The following MAP3K5 variants were observed in gnomAD, a reference collection of about 807,000 sequenced individuals.
MAP3K5 encodes the protein ASK-1.
In MAP3K5, 56 loss-of-function variants were observed where a neutral mutation model predicts 158.7. That is an observed-to-expected ratio of 0.35 (90% confidence interval 0.28 to 0.44). The LOEUF (loss-of-function observed/expected upper bound fraction) is 0.44, where lower values mean the gene tolerates loss of function less well. Ranked by LOEUF, MAP3K5 falls within the 20% of genes least tolerant of loss-of-function variation. MAP3K5 has a pLI of 1.00. For synonymous variants in MAP3K5, 579 were observed against 601.7 expected (o/e 0.96, Z 0.55); for missense variants, 1,294 against 1,674.8 (o/e 0.77, Z 3.97).
chr6:136,637,241 A>C, intron 14 of MAP3K5, 84 bp downstream of exon 14: 1 of 1,292,414 alleles, frequency 7.7e-7, no homozygotes, highest in Non-Finnish European at 1.1e-6. Flanking sequence ...TACCCCTCAT[A>C]CACCCTGCCT....
Position 136,583,747 on chromosome 6 carries a change from A to G in MAP3K5, c.3226-7T>C. 1 of 1,613,112 alleles carries G rather than the reference A, an allele frequency of 6.2e-7. No individual in the cohort carries two copies. On this transcript the variant is annotated splice_region_variant and splice_polypyrimidine_tract_variant and intron_variant, in intron 23 of 29. Transcript: ENST00000359015. ...GTTTCGGTTCTTCAGCCCCCTGTGA[A>G]TAAAAATCAACAATCCTTACATCAA...
intron 25 of MAP3K5, among the ~76,000 whole-genome samples, chr6:136,580,027 CG>C (rs936818165): frequency 2.9e-4 from 44 of 152,250 alleles, no homozygotes; most frequent in African/African-American, 1.0e-3. Context: ...TTTTGAAATG[CG>C]TATTTATCTG....
chr6:136,769,811 G>GGGAGGGAGGGAGGGA (rs1562691284), intron 1 of MAP3K5, among the ~76,000 whole-genome samples: 2 of 35,742 alleles, frequency 5.6e-5, no homozygotes, highest in Non-Finnish European at 1.2e-4. Flanking sequence ...GAGGGAGGGA[G>GGGAGGGAGGGAGGGA]GGGACGGGAG....
intron 7 of MAP3K5, among the ~76,000 whole-genome samples, chr6:136,679,988 TCAGA>T (rs1434554093): frequency 1.3e-5 from 2 of 151,914 alleles, no homozygotes; most frequent in Non-Finnish European, 2.9e-5. Context: ...GGAAGAAAAT[TCAGA>T]CATATGCTAC....
At chr6:136,615,483 T>A (rs950685815) in intron 15 of MAP3K5, among the ~76,000 whole-genome samples, 5 of 152,230 alleles carry the variant, frequency 3.3e-5, no homozygotes, top group Non-Finnish European at 5.9e-5. Flanking sequence ...TTGGAGAATT[T>A]GGCTATCATC....
At chr6:136,654,954 T>C in intron 10 of MAP3K5, among the ~76,000 whole-genome samples, 1 of 152,202 alleles carries the variant, frequency 6.6e-6, no homozygotes, top group Admixed American at 6.5e-5. Context: ...TTATAAGTCC[T>C]TTTCTTGCTT....
chr6:136,778,386 T>A (rs1224157387), intron 1 of MAP3K5, among the ~76,000 whole-genome samples: 1 of 152,212 alleles, frequency 6.6e-6, no homozygotes, highest in African/African-American at 2.4e-5. Context: ...TGATCTACAT[T>A]ATGAAGTCCT....
intron 10 of MAP3K5, among the ~76,000 whole-genome samples, chr6:136,655,067 A>G (rs2114430151): frequency 6.6e-6 from 1 of 152,294 alleles, no homozygotes; most frequent in South Asian, 2.1e-4. Context: ...ATGACAGACA[A>G]ATTCTGTCAA....
intron 1 of MAP3K5, among the ~76,000 whole-genome samples, chr6:136,765,517 T>G (rs2114985261): frequency 6.6e-6 from 1 of 151,790 alleles, no homozygotes; most frequent in South Asian, 2.1e-4. Flanking sequence ...CTTTTTTTAT[T>G]TTTTTATTTT....
chr6:136,743,674 T>C (rs966262856), intron 1 of MAP3K5, among the ~76,000 whole-genome samples: 1 of 152,198 alleles, frequency 6.6e-6, no homozygotes, highest in African/African-American at 2.4e-5. Flanking sequence ...AACCCACCAT[T>C]TGCACTCCTT....
Position 136,601,700 on chromosome 6 carries a change from T to G in MAP3K5, c.2857+102A>C, listed in dbSNP as rs190499856. The G allele has an allele frequency of 7.2e-4, 713 of 990,038 alleles. 2 individuals are homozygous for G. Among genetic ancestry groups the G allele is most frequent in the Middle Eastern group, 4.0e-3 (15 of 3,732 alleles). 61.3% of individuals were successfully genotyped at this position (990,038 alleles called of 1,614,324 possible). On this transcript the variant is annotated intron_variant, in intron 20 of 29. Coordinates refer to ENST00000359015, the MANE Select transcript of MAP3K5 (RefSeq NM_005923.4). ...TGCTAATATTTATACCAATTTCCAG[T>G]GATATCTGTAAACAGGTTAGTTTAC...
intron 7 of MAP3K5, among the ~76,000 whole-genome samples, chr6:136,685,790 C>T (rs6570087): frequency 1.3e-5 from 2 of 151,884 alleles, no homozygotes; most frequent in Non-Finnish European, 2.9e-5. Flanking sequence ...AAGAAAAAAA[C>T]AAGGGTCAGT....
chr6:136,592,344 G>A lies in MAP3K5; in HGVS notation c.3057-3C>T. On this transcript the variant is annotated splice_region_variant and splice_polypyrimidine_tract_variant and intron_variant, in intron 22 of 29. Transcript: ENST00000359015. ...CTTCAAAATTCTCATCTGGAATGCT[G>A]AGAAAATTTATGCAGCATAAATCAC... The A allele has an allele frequency of 6.3e-7, 1 of 1,588,926 alleles. No individual in the cohort carries two copies. The highest frequency in any genetic ancestry group is 1.8e-5 in the Admixed American group (1 of 56,010).
chr6:136,637,207 A>C (rs1305194257), intron 14 of MAP3K5, 118 bp downstream of exon 14: 1 of 1,228,120 alleles, frequency 8.1e-7, no homozygotes, highest in Non-Finnish European at 1.1e-6. Context: ...TTTAACACTA[A>C]AGGAAAGCCT....
chr6:136,589,409 G>C (rs1775284403), intron 23 of MAP3K5, among the ~76,000 whole-genome samples: 1 of 152,296 alleles, frequency 6.6e-6, no homozygotes, highest in African/African-American at 2.4e-5. Context: ...GACTGAGTGT[G>C]TCTGTGGGAG....
At chr6:136,751,429 A>C (rs1396027272) in intron 1 of MAP3K5, among the ~76,000 whole-genome samples, 1 of 152,232 alleles carries the variant, frequency 6.6e-6, no homozygotes, top group East Asian at 1.9e-4. Flanking sequence ...ACTTTGGTCA[A>C]ATCTAGTAAT....
In MAP3K5 at chr6:136,792,026, G is replaced by T. The variant is rs1471986553; in HGVS notation, c.132C>A (p.His44Gln). The change falls in exon 1 of 30, where the codon CAC becomes CAA. Residue 44 changes from histidine (H) to glutamine (Q), a missense_variant. By Grantham distance (24) the His-to-Gln change is conservative. Coordinates refer to ENST00000359015, the MANE Select transcript of MAP3K5 (RefSeq NM_005923.4). The surrounding 1 kb of genome is among the most constrained non-coding windows in gnomAD (Gnocchi z 5.7). ...TGCCCGGCGGCGGCGGTGGCAGCTG[G>T]TGCTCCTCGCCCTCGCCCACCGCCG... Reference protein sequence around the residue: ...GAAAVGEGEEHQLPPPPPGSF... With the variant: ...GAAAVGEGEEQQLPPPPPGSF... 4 of 1,570,750 alleles carry T rather than the reference G, an allele frequency of 2.5e-6. No individual in the cohort carries two copies. Among genetic ancestry groups the T allele is most frequent in the Admixed American group, 3.8e-5 (2 of 53,130 alleles).
chr6:136,663,899 C>G (rs994463556), intron 8 of MAP3K5, among the ~76,000 whole-genome samples: 2 of 152,144 alleles, frequency 1.3e-5, no homozygotes, highest in Non-Finnish European at 2.9e-5. Flanking sequence ...GCATGAGCCA[C>G]CATGTCCGGC....
intron 1 of MAP3K5, among the ~76,000 whole-genome samples, chr6:136,726,491 G>A (rs1051053822): frequency 6.6e-6 from 1 of 152,048 alleles, no homozygotes; most frequent in Admixed American, 6.5e-5. Context: ...TACTTGGGAG[G>A]CTGAGGCACA....
Sources: gnomAD v4.1 joint callset for allele counts (sites outside exome capture counted in the v4.1 genomes callset) on GRCh38, gnomAD v4.1.1 for gene constraint, Gnocchi (gnomAD v3.1) non-coding constraint, MANE v1.5 for transcripts, NCBI Gene and HGNC (gene_info 2026-07-23, HGNC 2026-07-21) for gene names.